The following IQGAP2 variants were observed in gnomAD, a reference collection of about 807,000 sequenced individuals.
IQGAP2 encodes the protein IQ motif containing GTPase activating protein 2.
Under a neutral mutation model 201.3 loss-of-function variants are expected in IQGAP2, and 173 were observed. The ratio of observed to expected loss-of-function variants is 0.86; its 90% CI spans 0.76 to 0.98. The LOEUF is 0.98. Ranked by LOEUF, IQGAP2 falls within the 50% of genes least tolerant of loss-of-function variation. The pLI, the probability that IQGAP2 is intolerant of heterozygous loss-of-function variation, is 0.00. For missense variants in IQGAP2, 1,687 were observed against 1,864.8 expected, an observed-to-expected ratio of 0.90 and a Z score of 1.76; for synonymous variants, 675 against 673.9, an observed-to-expected ratio of 1.00 and a Z score of -0.03.
intron 30 of IQGAP2, among the ~76,000 whole-genome samples, chr5:76,690,743 T>C (rs1475082102): frequency 6.6e-6 from 1 of 152,196 alleles, no homozygotes; most frequent in East Asian, 1.9e-4. Flanking sequence ...ATGTAAAAAA[T>C]TGATGAAATA....
At chr5:76,449,055 G>A (rs541639969) in intron 1 of IQGAP2, among the ~76,000 whole-genome samples, 2 of 152,238 alleles carry the variant, frequency 1.3e-5, no homozygotes, top group South Asian at 4.1e-4. Context: ...ATGACCTGGG[G>A]GTCTCCCTTC....
intron 1 of IQGAP2, among the ~76,000 whole-genome samples, chr5:76,459,730 C>G (rs113668165): frequency 0.017 from 2,564 of 152,224 alleles, 83 homozygotes; most frequent in African/African-American, 0.059. Context: ...CCTCCGCCTC[C>G]TGGGTTGAAG....
chr5:76,520,765 T>C (rs988194430), intron 2 of IQGAP2, among the ~76,000 whole-genome samples: 5 of 138,702 alleles, frequency 3.6e-5, no homozygotes, highest in African/African-American at 1.4e-4. Flanking sequence ...GTGCAGTGAG[T>C]GGCACGATCT....
At chr5:76,486,885 AT>A (rs1756180291) in intron 2 of IQGAP2, among the ~76,000 whole-genome samples, 1 of 152,030 alleles carries the variant, frequency 6.6e-6, no homozygotes, top group Non-Finnish European at 1.5e-5. Flanking sequence ...TCCTAGGCAC[AT>A]TTTCTTACCT....
chr5:76,628,697 A>G (rs972438156), intron 14 of IQGAP2: 4 of 456,070 alleles, frequency 8.8e-6, no homozygotes, highest in African/African-American at 6.0e-5. Context: ...GGGCTTTTCA[A>G]CCTCGGAAGC....
intron 3 of IQGAP2, among the ~76,000 whole-genome samples, chr5:76,567,932 G>A (rs1744866604): frequency 6.6e-6 from 1 of 152,154 alleles, no homozygotes; most frequent in East Asian, 1.9e-4. Context: ...GAAATTAGGT[G>A]TATGGATAAC....
At chr5:76,559,167 A>C (rs1054784966) in intron 2 of IQGAP2, among the ~76,000 whole-genome samples, 7 of 151,950 alleles carry the variant, frequency 4.6e-5, no homozygotes, top group African/African-American at 1.2e-4. Context: ...TCCCAAAGTG[A>C]TGGGATTACA....
At chr5:76,429,510 T>C (rs1300299899) in intron 1 of IQGAP2, among the ~76,000 whole-genome samples, 1 of 150,054 alleles carries the variant, frequency 6.7e-6, no homozygotes, top group African/African-American at 2.4e-5. Flanking sequence ...AGGCGGAGCT[T>C]GCAGTGAGCC....
chr5:76,524,077 A>T (rs966155726), intron 2 of IQGAP2, among the ~76,000 whole-genome samples: 2 of 152,190 alleles, frequency 1.3e-5, no homozygotes, highest in Non-Finnish European at 2.9e-5. Flanking sequence ...AGATGTGTGC[A>T]AGCCTTGTTG....
At chr5:76,537,199 T>C (rs974538706) in intron 2 of IQGAP2, among the ~76,000 whole-genome samples, 3 of 152,222 alleles carry the variant, frequency 2.0e-5, no homozygotes, top group Non-Finnish European at 4.4e-5. Context: ...ATTCGGCCAA[T>C]GGAAGTTGAC....
intron 2 of IQGAP2, among the ~76,000 whole-genome samples, chr5:76,560,208 T>C (rs942887252): frequency 6.6e-6 from 1 of 152,112 alleles, no homozygotes; most frequent in Non-Finnish European, 1.5e-5. Context: ...GCTGTAATGC[T>C]GTGGCCTGAC....
chr5:76,510,890 C>A, intron 2 of IQGAP2: 2 of 348,118 alleles, frequency 5.7e-6, no homozygotes, highest in Non-Finnish European at 1.1e-5. Flanking sequence ...TGGGGAGGGT[C>A]TCACTCTGGG....
chr5:76,680,794 TAAAAAAAAA>T (rs755958579), intron 28 of IQGAP2, among the ~76,000 whole-genome samples: 5 of 115,516 alleles, frequency 4.3e-5, no homozygotes, highest in South Asian at 5.4e-4. Flanking sequence ...TTGTCTCATT[TAAAAAAAAA>T]AAAAAAAAAA....
In IQGAP2 at chr5:76,495,779, C is replaced by T. The variant is rs1032454807; in HGVS notation, c.146+34110C>T. ...AGAGGGAGAGAGAAGGGGGAGGTCC[C>T]AGCTCAAACAACCAGATCTTGCATG... is the stretch of plus-strand genomic sequence containing the variant. On this transcript the variant is annotated intron_variant, in intron 2 of 35. Transcript: ENST00000274364. Among the ~76,000 whole-genome samples the T allele has an allele frequency of 3.3e-5, 5 of 152,206 alleles. No homozygotes were observed. In the East Asian group the frequency reaches 9.7e-4, roughly 29 times the overall value.
chr5:76,517,851 A>G (rs1758433813), intron 2 of IQGAP2, among the ~76,000 whole-genome samples: 2 of 152,134 alleles, frequency 1.3e-5, no homozygotes, highest in Non-Finnish European at 2.9e-5. Flanking sequence ...ACTCACTAAG[A>G]TGGTAGGGCT....
rs34776267 is a variant in IQGAP2, at chr5:76,609,841, ATGTG to A, written c.1358-1157_1358-1154del. 2.7e-3 allele frequency among the ~76,000 whole-genome samples: 393 copies of A among 145,378 alleles called. 5 individuals are homozygous for A. In the South Asian group the frequency reaches 0.039, roughly 14 times the overall value. ...GTGTATATGTGTGTTTTATATATATATGTGTGTGTGTGTGTGTGTGTGTGTCTGT... is the reference window on the plus strand; with the variant it reads ...GTGTATATGTGTGTTTTATATATATATGTGTGTGTGTGTGTGTGTGTCTGT... On this transcript the variant is annotated intron_variant, in intron 12 of 35. Transcript: ENST00000274364.
intron 10 of IQGAP2, 37 bp from the exon 11 acceptor site, chr5:76,600,775 G>A: frequency 2.5e-6 from 4 of 1,610,932 alleles, no homozygotes; most frequent in Non-Finnish European, 3.4e-6. Context: ...GAGGTGTGTT[G>A]TGTGGGGAGC....
chr5:76,556,626 A>G (rs1475465219), intron 2 of IQGAP2, among the ~76,000 whole-genome samples: 1 of 152,150 alleles, frequency 6.6e-6, no homozygotes, highest in African/African-American at 2.4e-5. Context: ...ACAAGTTTAG[A>G]AGTTTCATAT....
In IQGAP2 at chr5:76,671,958, C is replaced by G. The variant is rs761304940; in HGVS notation, c.3043C>G (p.Leu1015Val). Reference protein sequence around the residue: ...VEVYKAWVNQLETQTGEASKL... With the variant: ...VEVYKAWVNQVETQTGEASKL... ...GGTGTACAAGGCTTGGGTGAACCAACTAGAAACACAGACTGGAGAGGCCAG... is the reference window on the plus strand; with the variant it reads ...GGTGTACAAGGCTTGGGTGAACCAAGTAGAAACACAGACTGGAGAGGCCAG... Residue 1015 changes from leucine to valine, a missense_variant, in exon 24 of 36, where the codon CTA becomes GTA. Physicochemically the swap from Leu to Val is conservative, Grantham distance 32 (BLOSUM62 1). Coordinates refer to ENST00000274364, the MANE Select transcript of IQGAP2 (RefSeq NM_006633.5). The G allele has an allele frequency of 5.6e-6, 9 of 1,613,626 alleles. No individual in the cohort carries two copies. The African/African-American group carries it at 9.3e-5, about 17-fold the overall frequency.
Sources: gnomAD v4.1 joint callset for allele counts (sites outside exome capture counted in the v4.1 genomes callset) on GRCh38, gnomAD v4.1.1 for gene constraint, MANE v1.5 for transcripts, NCBI Gene and HGNC (gene_info 2026-07-23, HGNC 2026-07-21) for gene names.